Variants in AGBL1 observed in about 807,000 individuals in gnomAD.
AGBL1 encodes the protein AGBL carboxypeptidase 1.
A neutral mutation model predicts 118.9 loss-of-function variants in AGBL1; 130 were observed. That is an observed-to-expected ratio of 1.09 (90% confidence interval 0.95 to 1.26). AGBL1 has a LOEUF of 1.26. Among genes scored for constraint, AGBL1 ranks in the 50% most tolerant of loss-of-function variants. The probability of loss-of-function intolerance (pLI) is 0.00; values close to 1 mark genes in which losing one functional copy is unlikely to be tolerated. For missense variants in AGBL1, 1,584 were observed against 1,298.1 expected (o/e 1.22, Z -3.38); for synonymous variants, 555 against 478.9 (o/e 1.16, Z -2.08).
chr15:86,587,546 C>T lies in AGBL1; in HGVS notation c.2994+33009C>T, dbSNP rs142147834. Among the ~76,000 whole-genome samples the T allele has an allele frequency of 2.8e-3, 423 of 152,030 alleles. 2 individuals carry two copies. The highest frequency in any genetic ancestry group is 9.8e-3 in the African/African-American group (406 of 41,468). On this transcript the variant is annotated intron_variant, in intron 21 of 22. Coordinates refer to ENST00000614907, the MANE Select transcript of AGBL1 (RefSeq NM_001386094.1). ...AGGAAGCAAGTGGGAGGAGGGCGTT[C>T]GTGGAAGAAGGAGCAGTATAAGCAA... is the stretch of plus-strand genomic sequence containing the variant.
chr15:87,019,832 C>T (rs1048831539), intron 24 of AGBL1, among the ~76,000 whole-genome samples: 1 of 151,590 alleles, frequency 6.6e-6, no homozygotes. Flanking sequence ...AATCCAGGAG[C>T]CTGTTTTTTG....
At chr15:86,275,375 T>A (rs2079234293) in intron 15 of AGBL1, among the ~76,000 whole-genome samples, 1 of 152,180 alleles carries the variant, frequency 6.6e-6, no homozygotes, top group Non-Finnish European at 1.5e-5. Context: ...ATATTAGAAA[T>A]GCTGCAGACA....
intron 23 of AGBL1, among the ~76,000 whole-genome samples, chr15:86,970,427 C>T (rs953589520): frequency 3.3e-5 from 5 of 151,884 alleles, no homozygotes; most frequent in African/African-American, 1.2e-4. Flanking sequence ...ATTCCATTTA[C>T]ATTTATTTTC....
At chr15:86,373,826 T>G (rs2081001260) in intron 17 of AGBL1, among the ~76,000 whole-genome samples, 1 of 152,208 alleles carries the variant, frequency 6.6e-6, no homozygotes, top group South Asian at 2.1e-4. Context: ...CTGTAGCCAT[T>G]TATATTTTAC....
intron 22 of AGBL1, among the ~76,000 whole-genome samples, chr15:86,778,773 A>T (rs1335274804): frequency 2.0e-5 from 3 of 152,140 alleles, no homozygotes; most frequent in Admixed American, 6.6e-5. Context: ...CTGAGGCAAC[A>T]TACATCCTCC....
intron 22 of AGBL1, among the ~76,000 whole-genome samples, chr15:86,850,526 T>C (rs2079394129): frequency 6.6e-6 from 1 of 152,198 alleles, no homozygotes; most frequent in African/African-American, 2.4e-5. Context: ...TGTCTTTGTT[T>C]TGTTTGCTCC....
intron 17 of AGBL1, among the ~76,000 whole-genome samples, chr15:86,346,655 A>C (rs931730170): frequency 6.6e-6 from 1 of 152,134 alleles, no homozygotes; most frequent in Non-Finnish European, 1.5e-5. Flanking sequence ...GGCCAAGCTC[A>C]TTCTTTATGG....
chr15:86,223,119 T>G (rs754369768), intron 5 of AGBL1, among the ~76,000 whole-genome samples: 1 of 152,172 alleles, frequency 6.6e-6, no homozygotes, highest in Non-Finnish European at 1.5e-5. Context: ...GTTTAAGACC[T>G]TATTATTACT....
chr15:87,024,451 A>G lies in AGBL1; in HGVS notation c.3324-4374A>G, dbSNP rs563546919. On this transcript the variant is annotated intron_variant, in intron 24 of 24. Transcript: ENST00000441037. Reference sequence around the variant, plus strand: ...AGGAAAAATTAGATACCCTAAACAGACCAATAACAAGCAGCAAGATTGAAA... The same window carrying G: ...AGGAAAAATTAGATACCCTAAACAGGCCAATAACAAGCAGCAAGATTGAAA... Among the ~76,000 whole-genome samples the G allele has an allele frequency of 3.9e-5, 6 of 152,098 alleles. 1 individual carries two copies. The highest frequency in any genetic ancestry group is 1.4e-4 in the African/African-American group (6 of 41,546).
chr15:86,655,636 T>C (rs955930629), intron 21 of AGBL1, among the ~76,000 whole-genome samples: 13 of 152,158 alleles, frequency 8.5e-5, no homozygotes, highest in Non-Finnish European at 1.8e-4. Context: ...AAAAAGAACA[T>C]ACGCAATTCA....
At chr15:86,957,253 T>G (rs1042818627) in intron 23 of AGBL1, among the ~76,000 whole-genome samples, 1 of 152,114 alleles carries the variant, frequency 6.6e-6, no homozygotes, top group Non-Finnish European at 1.5e-5. Flanking sequence ...GGTAAATATA[T>G]CTACTAAAAT....
chr15:86,798,569 C>G (rs969632451), intron 22 of AGBL1, among the ~76,000 whole-genome samples: 8 of 152,022 alleles, frequency 5.3e-5, no homozygotes, highest in Admixed American at 3.9e-4. Flanking sequence ...ATGAACTAGA[C>G]ACTTTACCTG....
chr15:86,541,267 G>C (rs1299929479), intron 19 of AGBL1, among the ~76,000 whole-genome samples: 1 of 152,134 alleles, frequency 6.6e-6, no homozygotes, highest in Non-Finnish European at 1.5e-5. Context: ...CCGGAAACTT[G>C]CCAGAAATGC....
chr15:86,800,592 C>G (rs1055770192), intron 22 of AGBL1, among the ~76,000 whole-genome samples: 2 of 152,062 alleles, frequency 1.3e-5, no homozygotes, highest in Non-Finnish European at 2.9e-5. Context: ...GCTTAGAAAA[C>G]TGGCCCTTAT....
intron 24 of AGBL1, among the ~76,000 whole-genome samples, chr15:87,011,291 C>A (rs556393440): frequency 2.2e-4 from 33 of 152,312 alleles, no homozygotes; most frequent in South Asian, 8.3e-4. Flanking sequence ...GAGGCCCACT[C>A]CCACACTATC....
chr15:86,810,811 G>T (rs1596503547), intron 22 of AGBL1, among the ~76,000 whole-genome samples: 1 of 152,062 alleles, frequency 6.6e-6, no homozygotes, highest in African/African-American at 2.4e-5. Flanking sequence ...CTGCATTTCT[G>T]GTATTGACTA....
At chr15:86,948,829 T>C (rs2080851242) in intron 23 of AGBL1, among the ~76,000 whole-genome samples, 1 of 152,260 alleles carries the variant, frequency 6.6e-6, no homozygotes. Flanking sequence ...ATGTCAAGAA[T>C]GTTTAATACA....
At chr15:86,714,403 C>G (rs193101720) in intron 22 of AGBL1, among the ~76,000 whole-genome samples, 3 of 152,236 alleles carry the variant, frequency 2.0e-5, no homozygotes, top group African/African-American at 7.2e-5. Context: ...GATAAACTAT[C>G]AGTGGGAAAT....
intron 22 of AGBL1, among the ~76,000 whole-genome samples, chr15:86,784,502 A>G (rs879581623): frequency 2.0e-5 from 3 of 152,202 alleles, no homozygotes; most frequent in Non-Finnish European, 4.4e-5. Flanking sequence ...CTATCCTTAG[A>G]GATTTTAGTT....
Sources: allele counts gnomAD v4.1 joint callset (sites outside exome capture counted in the v4.1 genomes callset), GRCh38; gene constraint gnomAD v4.1.1; transcripts MANE v1.5; gene names NCBI Gene and HGNC (gene_info 2026-07-23, HGNC 2026-07-21).